RABEP1: variants seen among roughly 807,000 people sequenced by gnomAD.
RABEP1 encodes rabaptin, RAB GTPase binding effector protein 1, also known as rab GTPase-binding effector protein 1.
RABEP1 carries 51 observed loss-of-function variants against 123.4 expected under a neutral mutation model. The observed-to-expected ratio is 0.41, with a 90% CI of 0.33 to 0.52. RABEP1 has a LOEUF of 0.52. RABEP1 is among the 20% of genes least tolerant of loss of function. The pLI is 0.16. For synonymous variants in RABEP1, 347 were observed against 355.2 expected, an observed-to-expected ratio of 0.98 and a Z score of 0.26; for missense variants, 888 against 996.3, an observed-to-expected ratio of 0.89 and a Z score of 1.46.
chr17:5,377,071 C>T, intron 13 of RABEP1, 45 bp from the exon 14 acceptor site: 1 of 1,520,760 alleles, frequency 6.6e-7, no homozygotes, highest in Admixed American at 2.4e-5. Flanking sequence ...TCTTTATTTC[C>T]TTTCACTCTC....
At chr17:5,289,036 G>T (rs1267161767) in intron 1 of RABEP1, among the ~76,000 whole-genome samples, 1 of 152,114 alleles carries the variant, frequency 6.6e-6, no homozygotes, top group Non-Finnish European at 1.5e-5. Flanking sequence ...GCACTTCCAG[G>T]ATAGGAATTA....
In RABEP1 at chr17:5,335,289, G is replaced by C. The variant is rs747127150; in HGVS notation, c.473G>C (p.Arg158Thr). 1 of 1,613,824 alleles carries C rather than the reference G, an allele frequency of 6.2e-7. No individual in the cohort carries two copies. The highest frequency in any genetic ancestry group is 8.5e-7 in the Non-Finnish European group (1 of 1,179,938). ...GCAGAGAGGGAAATAGCTGATTTAA[G>C]AAGAAGGCTGTCTGAAGGTCAAGAG... is the stretch of plus-strand genomic sequence containing the variant. ...ESAEREIADLRRRLSEGQEEE... is the reference protein window; with the variant it reads ...ESAEREIADLTRRLSEGQEEE... The change falls in exon 4 of 18, where the codon AGA becomes ACA. Residue 158 changes from arginine to threonine, a missense_variant. Coordinates refer to ENST00000537505, the MANE Select transcript of RABEP1 (RefSeq NM_004703.6).
intron 1 of RABEP1, among the ~76,000 whole-genome samples, chr17:5,304,046 AT>A (rs11334429): frequency 0.36 from 53,053 of 148,720 alleles, 11,315 homozygotes; most frequent in Non-Finnish European, 0.5. Flanking sequence ...AAAAAAAAAA[AT>A]AAATAAAAAT....
chr17:5,377,230 C>A lies in RABEP1; in HGVS notation c.2140C>A (p.Gln714Lys). 1.9e-6 allele frequency: 3 copies of A among 1,610,004 alleles called. No homozygotes were observed. The highest frequency in any genetic ancestry group is 2.5e-6 in the Non-Finnish European group (3 of 1,179,158). ...AEILFLKEQI[Q>K]AEQCLKENLE... ...GATACTTTTCCTAAAAGAGCAGATC[C>A]AAGCAGAACAGTGTTTAAAAGAAAA... is the stretch of plus-strand genomic sequence containing the variant. Residue 714 changes from glutamine to lysine, a missense_variant, in exon 14 of 18, where the codon CAA becomes AAA. Gln to Lys is a moderately conservative substitution (Grantham distance 53). Transcript: ENST00000537505.
chr17:5,325,370 A>G (rs1905869424), intron 2 of RABEP1, among the ~76,000 whole-genome samples: 1 of 152,116 alleles, frequency 6.6e-6, no homozygotes, highest in Admixed American at 6.6e-5. Context: ...AAATCCTGTC[A>G]TTTGCAGCAA....
chr17:5,284,530 A>C (rs1008026436), intron 1 of RABEP1, among the ~76,000 whole-genome samples: 5 of 151,022 alleles, frequency 3.3e-5, no homozygotes, highest in African/African-American at 7.3e-5. Flanking sequence ...CAGTGGCGCG[A>C]TCTTGGCTCA....
intron 1 of RABEP1, among the ~76,000 whole-genome samples, chr17:5,307,147 G>C (rs943317617): frequency 6.6e-6 from 1 of 152,046 alleles, no homozygotes; most frequent in East Asian, 1.9e-4. Flanking sequence ...GTGAAACCCC[G>C]TCTCTACTAA....
intron 13 of RABEP1, among the ~76,000 whole-genome samples, chr17:5,373,806 C>G (rs1289743136): frequency 6.6e-6 from 1 of 151,916 alleles, no homozygotes; most frequent in Non-Finnish European, 1.5e-5. Context: ...TAAGCAACTA[C>G]TAACCTTTCT....
chr17:5,312,502 T>C (rs930799868), intron 2 of RABEP1, among the ~76,000 whole-genome samples: 2 of 152,114 alleles, frequency 1.3e-5, no homozygotes, highest in Non-Finnish European at 2.9e-5. Flanking sequence ...TAAAATACTA[T>C]ATGATGGAAG....
At chr17:5,320,421 C>CAAAAAAAAAAAA (rs60202531) in intron 2 of RABEP1, among the ~76,000 whole-genome samples, 11 of 84,650 alleles carry the variant, frequency 1.3e-4, no homozygotes, top group East Asian at 3.1e-4. Flanking sequence ...GCTAACACAC[C>CAAAAAAAAAAAA]AAAAAAAAAA....
intron 2 of RABEP1, among the ~76,000 whole-genome samples, chr17:5,317,131 A>T (rs1438149517): frequency 6.6e-6 from 1 of 152,136 alleles, no homozygotes; most frequent in Non-Finnish European, 1.5e-5. Context: ...TGACCTCAAA[A>T]CCAAGGAAGA....
Position 5,335,174 on chromosome 17 carries a change from T to C in RABEP1, c.368-10T>C. On this transcript the variant is annotated splice_polypyrimidine_tract_variant and intron_variant, in intron 3 of 17. Transcript: ENST00000537505. ...TGCTTAGATGTGAAATATGTGGTGA[T>C]GTTTTGTAGAAACAGTTCGTGACTA... The C allele has an allele frequency of 1.3e-6, 2 of 1,595,416 alleles. No homozygotes were observed. Among genetic ancestry groups the C allele is most frequent in the Non-Finnish European group, 1.7e-6 (2 of 1,170,164 alleles).
chr17:5,283,484 T>A (rs1296425592), intron 1 of RABEP1, among the ~76,000 whole-genome samples: 1 of 152,118 alleles, frequency 6.6e-6, no homozygotes, highest in Non-Finnish European at 1.5e-5. Flanking sequence ...CTAGAATAGA[T>A]GTTTGGAAAT....
intron 6 of RABEP1, among the ~76,000 whole-genome samples, 174 bp from the exon 7 acceptor site, chr17:5,350,277 G>A (rs1908416835): frequency 6.6e-6 from 1 of 152,128 alleles, no homozygotes; most frequent in South Asian, 2.1e-4. Flanking sequence ...CTACTCCGGA[G>A]GCTGAGGCAG....
intron 12 of RABEP1, among the ~76,000 whole-genome samples, chr17:5,369,653 G>C (rs1439883951): frequency 6.6e-6 from 1 of 151,630 alleles, no homozygotes; most frequent in Non-Finnish European, 1.5e-5. Flanking sequence ...TCATAGCGGT[G>C]AGCCTCCTAC....
intron 1 of RABEP1, 82 bp downstream of exon 1, chr17:5,282,602 G>A: frequency 1.0e-6 from 1 of 970,378 alleles, no homozygotes; most frequent in Non-Finnish European, 1.3e-6. Context: ...GCGGGCAGGC[G>A]GCGGCAAGGG....
intron 16 of RABEP1, 150 bp downstream of exon 16, chr17:5,380,612 A>C: frequency 1.4e-6 from 1 of 713,526 alleles, no homozygotes; most frequent in East Asian, 2.9e-5. Flanking sequence ...AAAAAACTTA[A>C]ACGAATTGAT....
At chr17:5,292,457 G>C (rs1452869198) in intron 1 of RABEP1, among the ~76,000 whole-genome samples, 2 of 151,858 alleles carry the variant, frequency 1.3e-5, no homozygotes, top group African/African-American at 4.8e-5. Flanking sequence ...GCGCGATCTT[G>C]GCTCACTGCT....
rs1041784407 is a variant in RABEP1 at position 5,385,761 on chromosome 17, G to A, written c.*2538G>A. The A allele has an allele frequency of 4.3e-6, 1 of 233,366 alleles. No homozygotes were observed. Among genetic ancestry groups the A allele is most frequent in the Non-Finnish European group, 8.4e-6 (1 of 118,496 alleles). 14.5% of individuals were successfully genotyped at this position (233,366 alleles called of 1,614,324 possible). Reference sequence around the variant, plus strand: ...TAACCATTTGTTAACTGTACTGAAGGTGTGTCCTCAAGAAGAAAGTGTTCA... The same window carrying A: ...TAACCATTTGTTAACTGTACTGAAGATGTGTCCTCAAGAAGAAAGTGTTCA... On this transcript the variant is annotated 3_prime_UTR_variant, in exon 18 of 18. Transcript: ENST00000537505.
Sources: gnomAD v4.1 joint callset for allele counts (sites outside exome capture counted in the v4.1 genomes callset) on GRCh38, gnomAD v4.1.1 for gene constraint, MANE v1.5 for transcripts, NCBI Gene and HGNC (gene_info 2026-07-23, HGNC 2026-07-21) for gene names.